SEH1L: variants seen among roughly 807,000 people sequenced by gnomAD.
The protein encoded by SEH1L is nucleoporin SEH1.
A neutral mutation model predicts 49.5 loss-of-function variants in SEH1L; 18 were observed. That is an observed-to-expected ratio of 0.36 (90% CI 0.25 to 0.54). The LOEUF (loss-of-function observed/expected upper bound fraction) is 0.54, where lower values mean the gene tolerates loss of function less well. Ranked by LOEUF, SEH1L falls within the 20% of genes least tolerant of loss-of-function variation. SEH1L has a pLI of 0.87. For synonymous variants in SEH1L, 169 were observed against 178.1 expected (o/e 0.95, Z 0.41); for missense variants, 404 against 528.8 (o/e 0.76, Z 2.31).
At chr18:12,982,897 G>A (rs2145670253) in intron 7 of SEH1L, 1 of 390,500 alleles carries the variant, frequency 2.6e-6, no homozygotes, top group Non-Finnish European at 4.6e-6. Flanking sequence ...CAAAACTAAA[G>A]TAATTACAAC....
chr18:12,979,755 C>G (rs1237769322), intron 6 of SEH1L, among the ~76,000 whole-genome samples: 1 of 139,604 alleles, frequency 7.2e-6, no homozygotes, highest in East Asian at 2.2e-4. Context: ...GGCTGACCCC[C>G]CCACCTCCCT....
chr18:12,965,489 G>A (rs2031408933), intron 4 of SEH1L, among the ~76,000 whole-genome samples: 1 of 152,186 alleles, frequency 6.6e-6, no homozygotes, highest in African/African-American at 2.4e-5. Context: ...TGCCAATATG[G>A]AGATGGAATG....
chr18:12,961,946 G>T (rs1273357536), intron 3 of SEH1L, among the ~76,000 whole-genome samples: 1 of 152,150 alleles, frequency 6.6e-6, no homozygotes, highest in Non-Finnish European at 1.5e-5. Flanking sequence ...GATTACAGGC[G>T]TGAGCTACTG....
intron 8 of SEH1L, chr18:12,985,209 C>T (rs1399545496): frequency 6.3e-7 from 1 of 1,598,974 alleles, no homozygotes; most frequent in East Asian, 2.2e-5. Context: ...ATGCATTTTC[C>T]CTTTTCCATT....
intron 4 of SEH1L, among the ~76,000 whole-genome samples, chr18:12,966,299 T>C (rs1466064824): frequency 5.9e-5 from 9 of 152,088 alleles, no homozygotes; most frequent in Non-Finnish European, 7.4e-5. Context: ...TCCATATTGG[T>C]CAGGCTGGTC....
rs561596014 is a variant in SEH1L at position 12,960,966 on chromosome 18, C to A, written c.310-2194C>A. ...TTTACAGCAGAAATGAAGTAAAATA[C>A]ATTTGGAAGAGGGCCAAGTGGGTGA... is the stretch of plus-strand genomic sequence containing the variant. On this transcript the variant is annotated intron_variant, in intron 3 of 8. Coordinates refer to ENST00000399892, the MANE Select transcript of SEH1L (RefSeq NM_001013437.2). Among the ~76,000 whole-genome samples the A allele has an allele frequency of 6.2e-4, 94 of 152,252 alleles. 1 individual carries two copies. In the South Asian group the frequency reaches 0.017, roughly 27 times the overall value.
intron 8 of SEH1L, chr18:12,985,113 T>C (rs779062613): frequency 4.1e-5 from 40 of 964,388 alleles, no homozygotes; most frequent in Non-Finnish European, 6.2e-5. Flanking sequence ...GGTCACTGCC[T>C]GTACTGCATA....
In SEH1L at chr18:12,951,840, T is replaced by C; in HGVS notation, c.112-15T>C. 6.5e-7 allele frequency: 1 copy of C among 1,529,150 alleles called. No homozygotes were observed. Among genetic ancestry groups the C allele is most frequent in the East Asian group, 2.3e-5 (1 of 43,612 alleles). 94.7% of individuals were successfully genotyped at this position (1,529,150 alleles called of 1,614,324 possible). On this transcript the variant is annotated splice_polypyrimidine_tract_variant and intron_variant, in intron 1 of 8. Coordinates refer to ENST00000399892, the MANE Select transcript of SEH1L (RefSeq NM_001013437.2). ...GAATTTTTGTATAAAATATCTGCCT[T>C]TTATTTTCTTATAGGTCTGGGATAA...
chr18:12,952,938 C>T (rs1461441643), intron 2 of SEH1L, among the ~76,000 whole-genome samples: 1 of 151,976 alleles, frequency 6.6e-6, no homozygotes, highest in Non-Finnish European at 1.5e-5. Context: ...CATGCCACCA[C>T]ACCCGGCTAA....
At chr18:12,965,769 A>G (rs559127603) in intron 4 of SEH1L, among the ~76,000 whole-genome samples, 2 of 152,346 alleles carry the variant, frequency 1.3e-5, no homozygotes, top group Non-Finnish European at 1.5e-5. Flanking sequence ...GGATTTTGAT[A>G]GCCAATGGAA....
intron 8 of SEH1L, 94 bp downstream of exon 8, chr18:12,984,284 G>A (rs1298611913): frequency 2.3e-6 from 3 of 1,310,610 alleles, no homozygotes; most frequent in Non-Finnish European, 3.3e-6. Context: ...ATTATAAGAT[G>A]GAGTGGAAAT....
intron 4 of SEH1L, among the ~76,000 whole-genome samples, chr18:12,970,736 T>A (rs1252635946): frequency 6.6e-6 from 1 of 152,230 alleles, no homozygotes; most frequent in East Asian, 1.9e-4. Context: ...TTTCTTCTTT[T>A]TGTCAAAGCA....
At chr18:12,985,338 CAG>C (rs2032421255) in intron 8 of SEH1L, 11 of 1,555,742 alleles carry the variant, frequency 7.1e-6, no homozygotes, top group Non-Finnish European at 9.6e-6. Flanking sequence ...TCCCCTTCCC[CAG>C]CGCCGTTTGA....
In SEH1L at chr18:12,948,960, C is replaced by G. The variant is rs1007208711; in HGVS notation, c.111+728C>G. Among the ~76,000 whole-genome samples, 43 of 151,578 alleles carry G rather than the reference C, an allele frequency of 2.8e-4. No individual in the cohort carries two copies. The Middle Eastern group carries it at 0.014, about 48-fold the overall frequency. ...CGCCTCCCGCTTTCAGGCGATTATC[C>G]TGCCCCAGCCTCCCAAGTAGCAGGG... is the stretch of plus-strand genomic sequence containing the variant. On this transcript the variant is annotated intron_variant, in intron 1 of 8. Transcript: ENST00000399892.
At chr18:12,953,265 G>A (rs2030656173) in intron 2 of SEH1L, among the ~76,000 whole-genome samples, 1 of 152,208 alleles carries the variant, frequency 6.6e-6, no homozygotes, top group African/African-American at 2.4e-5. Context: ...CTGTTCACCA[G>A]TTGACGGACA....
chr18:12,951,580 G>A (rs940718468), intron 1 of SEH1L, among the ~76,000 whole-genome samples: 4 of 152,126 alleles, frequency 2.6e-5, no homozygotes, highest in Admixed American at 6.6e-5. Context: ...TAGTAGAGAC[G>A]GGGTTTCACC....
intron 8 of SEH1L, 97 bp downstream of exon 8, chr18:12,984,287 G>C (rs1363751104): frequency 7.7e-7 from 1 of 1,290,502 alleles, no homozygotes; most frequent in African/African-American, 1.5e-5. Context: ...ATAAGATGGA[G>C]TGGAAATGTT....
chr18:12,986,803 G>GGT (rs113784266), intron 8 of SEH1L, 59 bp from the exon 9 acceptor site: 1 of 1,063,208 alleles, frequency 9.4e-7, no homozygotes, highest in Non-Finnish European at 1.2e-6. Flanking sequence ...TTTTTCTTGT[G>GGT]TTTTTTTTTT....
At chr18:12,961,534 A>G (rs149172109) in intron 3 of SEH1L, among the ~76,000 whole-genome samples, 93 of 152,316 alleles carry the variant, frequency 6.1e-4, no homozygotes, top group African/African-American at 2.2e-3. Flanking sequence ...TTAATTATTC[A>G]GTGGTGTCTG....
Sources: allele counts gnomAD v4.1 joint callset (sites outside exome capture counted in the v4.1 genomes callset), GRCh38; gene constraint gnomAD v4.1.1; transcripts MANE v1.5; gene names NCBI Gene and HGNC (gene_info 2026-07-23, HGNC 2026-07-21).